Variants in UROS observed in about 807,000 individuals in gnomAD.
UROS encodes the protein uroporphyrinogen III synthase, also known as uroporphyrinogen-III synthase.
A neutral mutation model predicts 33.0 loss-of-function variants in UROS; 18 were observed. That is an observed-to-expected ratio of 0.55 (90% confidence interval 0.38 to 0.81). UROS has a LOEUF of 0.81. Ranked by LOEUF, UROS falls within the 30% of genes least tolerant of loss-of-function variation. The pLI, the probability that UROS is intolerant of heterozygous loss-of-function variation, is 0.00. For synonymous variants in UROS, 114 were observed against 121.1 expected (o/e 0.94, Z 0.38); for missense variants, 293 against 314.9 (o/e 0.93, Z 0.53).
At chr10:125,804,962 G>A (rs1852189007) in intron 6 of UROS, among the ~76,000 whole-genome samples, 1 of 152,214 alleles carries the variant, frequency 6.6e-6, no homozygotes. Flanking sequence ...TGGCACACAG[G>A]TGCTCCTGGG....
intron 6 of UROS, among the ~76,000 whole-genome samples, chr10:125,803,981 G>C (rs754371583): frequency 2.6e-5 from 4 of 152,244 alleles, no homozygotes; most frequent in Non-Finnish European, 5.9e-5. Context: ...TGTGATACAA[G>C]AGGAAATATT....
intron 7 of UROS, 150 bp downstream of exon 7, chr10:125,797,915 A>G: frequency 1.2e-6 from 1 of 844,816 alleles, no homozygotes; most frequent in Non-Finnish European, 2.0e-6. Flanking sequence ...TCTTCCCATG[A>G]GCATGGTCTC....
At chr10:125,802,023 C>G (rs553089781) in intron 6 of UROS, 2 of 985,424 alleles carry the variant, frequency 2.0e-6, no homozygotes, top group South Asian at 9.4e-5. Flanking sequence ...GAAATAATTA[C>G]TATTCTTTGT....
Position 125,788,940 on chromosome 10 carries a change from A to G in UROS, c.726T>C (p.Thr242=). 6.2e-7 allele frequency: 1 copy of G among 1,610,868 alleles called. No individual in the cohort carries two copies. The highest frequency in any genetic ancestry group is 8.5e-7 in the Non-Finnish European group (1 of 1,179,544). ...LAAQGLPVSC[T]AESPTPQALA... The stretch of plus-strand genomic sequence containing the variant: ...GGGCTTGTGGCGTGGGGCTCTCTGC[A>G]GTGCAGCTTACAGGAAGGCCCTGGG... Residue 242 remains threonine, a synonymous_variant, in exon 10 of 10, where the codon ACT becomes ACC. Transcript: ENST00000368797.
At chr10:125,819,896 G>A (rs1038308688) in intron 1 of UROS, 20 of 151,978 alleles carry the variant, frequency 1.3e-4, no homozygotes, top group African/African-American at 4.8e-4. Flanking sequence ...GGCTCAACCT[G>A]TCTCTAGATT....
At chr10:125,815,507 C>T (rs1054916325) in intron 3 of UROS, among the ~76,000 whole-genome samples, 7 of 152,258 alleles carry the variant, frequency 4.6e-5, no homozygotes, top group Non-Finnish European at 1.0e-4. Context: ...TGGGAATATT[C>T]AGGGGGTGAT....
downstream of UROS, among the ~76,000 whole-genome samples, chr10:125,788,279 C>T (rs1481895171): frequency 2.0e-5 from 3 of 152,172 alleles, no homozygotes; most frequent in Admixed American, 6.5e-5. Flanking sequence ...GCACATGAAC[C>T]TCTTCTCAGT....
intron 8 of UROS, 120 bp downstream of exon 8, chr10:125,795,983 G>C (rs1162187127): frequency 3.4e-6 from 3 of 875,576 alleles, no homozygotes; most frequent in Non-Finnish European, 2.0e-6. Context: ...AGGCATGCAG[G>C]TGACAGCTGG....
At chr10:125,811,410 T>C (rs1241734879) in intron 5 of UROS, among the ~76,000 whole-genome samples, 1 of 152,232 alleles carries the variant, frequency 6.6e-6, no homozygotes, top group Non-Finnish European at 1.5e-5. Flanking sequence ...GATGGTTTCC[T>C]TGGCAACCAA....
In UROS at chr10:125,801,644, C is replaced by A. The variant is rs535799019; in HGVS notation, c.395-3499G>T. ...GATTTTTATTTGGATATTCTAATTG[C>A]AAATGGAAGATTTATTAGGACCCAT... On this transcript the variant is annotated intron_variant, in intron 6 of 9. Coordinates refer to ENST00000368797, the MANE Select transcript of UROS (RefSeq NM_000375.3). 3.7e-4 allele frequency among the ~76,000 whole-genome samples: 56 copies of A among 152,286 alleles called. 1 individual carries two copies. The South Asian group carries it at 0.012, about 32-fold the overall frequency.
intron 1 of UROS, among the ~76,000 whole-genome samples, chr10:125,820,881 C>A (rs1394133769): frequency 6.6e-6 from 1 of 152,198 alleles, no homozygotes; most frequent in African/African-American, 2.4e-5. Context: ...GAGTGGTAAG[C>A]AATCTACTAC....
intron 9 of UROS, chr10:125,792,067 C>G (rs921876888): frequency 6.6e-6 from 1 of 150,968 alleles, no homozygotes; most frequent in Non-Finnish European, 1.5e-5. Context: ...GACCCCATCT[C>G]TAAAAAAATA....
At chr10:125,786,067 C>A (rs1164502126), downstream of UROS, among the ~76,000 whole-genome samples, 1 of 152,154 alleles carries the variant, frequency 6.6e-6, no homozygotes, top group Non-Finnish European at 1.5e-5. Flanking sequence ...TCCTGGGTGG[C>A]CCTACTGCCA....
At chr10:125,796,824 G>A in intron 7 of UROS, 1 of 985,412 alleles carries the variant, frequency 1.0e-6, no homozygotes, top group Non-Finnish European at 1.2e-6. Context: ...ATGAGGGGCA[G>A]CCAGATGGTA....
At position 125,815,019 on chromosome 10, in the gene UROS, C is replaced by G; in HGVS notation, c.244+15G>C. On this transcript the variant is annotated intron_variant, in intron 4 of 9. Transcript: ENST00000368797. ...AATAAATGTCCAGTGGAATCCACAGCAGACCCACCCTCACCTTCAGTTTTA... is the reference window on the plus strand; with the variant it reads ...AATAAATGTCCAGTGGAATCCACAGGAGACCCACCCTCACCTTCAGTTTTA... 1.9e-6 allele frequency: 3 copies of G among 1,613,852 alleles called. No individual in the cohort carries two copies. The highest frequency in any genetic ancestry group is 2.5e-6 in the Non-Finnish European group (3 of 1,179,778).
intron 9 of UROS, chr10:125,792,337 C>T (rs1253939817): frequency 1.3e-5 from 2 of 152,180 alleles, no homozygotes; most frequent in Non-Finnish European, 2.9e-5. Flanking sequence ...AGCAGTCTTC[C>T]CCAGGCCAGG....
intron 6 of UROS, 47 bp downstream of exon 6, chr10:125,807,366 C>G: frequency 1.3e-6 from 2 of 1,546,336 alleles, no homozygotes; most frequent in Non-Finnish European, 8.9e-7. Flanking sequence ...GTTGTGAGGT[C>G]AACAAAAAAT....
intron 4 of UROS, among the ~76,000 whole-genome samples, chr10:125,814,003 C>T (rs1564799976): frequency 6.6e-6 from 1 of 152,238 alleles, no homozygotes; most frequent in East Asian, 1.9e-4. Flanking sequence ...GAATCCTGCA[C>T]TTGTGCTTTA....
intron 9 of UROS, chr10:125,792,110 C>G (rs968838580): frequency 6.6e-6 from 1 of 151,984 alleles, no homozygotes; most frequent in African/African-American, 2.4e-5. Context: ...ATATTAAAAT[C>G]ATAAAAAGTA....
Sources: allele counts gnomAD v4.1 joint callset (sites outside exome capture counted in the v4.1 genomes callset), GRCh38; gene constraint gnomAD v4.1.1; transcripts MANE v1.5; gene names NCBI Gene and HGNC (gene_info 2026-07-23, HGNC 2026-07-21).